Variants in CASK observed in about 807,000 individuals in gnomAD.
CASK encodes calcium/calmodulin dependent serine protein kinase.
A neutral mutation model predicts 82.9 loss-of-function variants in CASK; 4 were observed. That is an observed-to-expected ratio of 0.05 (90% CI 0.02 to 0.11). The LOEUF is 0.11. Among genes scored for constraint, CASK ranks in the 10% least tolerant of loss-of-function variants. The pLI is 1.00. For synonymous variants in CASK, 259 were observed against 253.5 expected, an observed-to-expected ratio of 1.02 and a Z score of -0.20; for missense variants, 358 against 720.9, an observed-to-expected ratio of 0.50 and a Z score of 5.76.
chrX:41,872,432 C>T (rs1257770324), intron 1 of CASK, among the ~76,000 whole-genome samples: 2 of 111,817 alleles, frequency 1.8e-5, no homozygotes. Context: ...TCATGGCATA[C>T]CCCTACCTAT....
intron 2 of CASK, among the ~76,000 whole-genome samples, chrX:41,835,302 C>T (rs1192546168): frequency 8.9e-6 from 1 of 111,943 alleles, no homozygotes; most frequent in Non-Finnish European, 1.9e-5. Flanking sequence ...GATCCACTCA[C>T]CTTGGCCTCC....
intron 2 of CASK, among the ~76,000 whole-genome samples, chrX:41,800,699 G>T (rs1488978254): frequency 9.5e-6 from 1 of 105,321 alleles, no homozygotes; most frequent in African/African-American, 3.5e-5. Flanking sequence ...TCCCCTTCCT[G>T]TGTCCATGTG....
chrX:41,702,857 T>G (rs532280294), intron 5 of CASK, among the ~76,000 whole-genome samples: 1 of 112,013 alleles, frequency 8.9e-6, no homozygotes, highest in East Asian at 2.8e-4. Flanking sequence ...CATCACACAT[T>G]TATATACTCT....
At chrX:41,696,373 G>T (rs1602483815) in intron 5 of CASK, 10 of 1,176,894 alleles carry the variant, frequency 8.5e-6, no homozygotes, top group Non-Finnish European at 1.1e-5. Context: ...AATCTATTGA[G>T]GATTTCTAAA....
intron 8 of CASK, among the ~76,000 whole-genome samples, chrX:41,644,081 G>T (rs2066710679): frequency 1.8e-5 from 2 of 111,975 alleles, no homozygotes; most frequent in African/African-American, 6.5e-5. Flanking sequence ...TATGTTTATT[G>T]ATTTGCATAT....
intron 1 of CASK, among the ~76,000 whole-genome samples, chrX:41,904,325 T>C (rs1380212574): frequency 8.9e-6 from 1 of 112,001 alleles, no homozygotes; most frequent in East Asian, 2.8e-4. Flanking sequence ...TAAGTGAATC[T>C]AGCAAAGTTG....
intron 2 of CASK, among the ~76,000 whole-genome samples, chrX:41,799,465 G>A (rs1015736116): frequency 2.7e-5 from 3 of 110,388 alleles, no homozygotes; most frequent in African/African-American, 9.9e-5. Flanking sequence ...GCTTGAACCC[G>A]GGAGGCAGTG....
At chrX:41,612,044 C>T (rs1419259616) in intron 11 of CASK, among the ~76,000 whole-genome samples, 1 of 110,848 alleles carries the variant, frequency 9.0e-6, no homozygotes. Flanking sequence ...GATCTCGGCT[C>T]GCTACAACCT....
intron 9 of CASK, among the ~76,000 whole-genome samples, chrX:41,628,970 A>T (rs1172452347): frequency 8.9e-6 from 1 of 111,777 alleles, no homozygotes; most frequent in African/African-American, 3.2e-5. Context: ...TTAAGATGTT[A>T]GTTATACGCT....
intron 5 of CASK, among the ~76,000 whole-genome samples, chrX:41,711,339 G>T (rs771956931): frequency 8.9e-6 from 1 of 112,482 alleles, no homozygotes; most frequent in South Asian, 3.7e-4. Context: ...TGTGTTAATT[G>T]TTGTTGAAAG....
intron 25 of CASK, chrX:41,524,848 C>T (rs906050793): frequency 2.7e-5 from 3 of 111,320 alleles, no homozygotes; most frequent in African/African-American, 9.8e-5. Context: ...AGGTTACAAA[C>T]TCCCTTCCAA....
chrX:41,612,703 G>C (rs1460970667), intron 11 of CASK, among the ~76,000 whole-genome samples: 1 of 92,358 alleles, frequency 1.1e-5, no homozygotes, highest in African/African-American at 4.1e-5. Flanking sequence ...GGAGGGAGGT[G>C]GGGGGGTCAG....
rs764389214 is a variant in CASK, at chrX:41,648,506, C to T, written c.832-11845G>A. Reference sequence around the variant, plus strand: ...ATACTCCCTCCCCTTTTGAAAATCCCTAATAAAAACTTGCTAGTTTTTGTG... The same window carrying T: ...ATACTCCCTCCCCTTTTGAAAATCCTTAATAAAAACTTGCTAGTTTTTGTG... On this transcript the variant is annotated intron_variant, in intron 8 of 26. Transcript: ENST00000378163. Among the ~76,000 whole-genome samples, 186 of 111,195 alleles carry T rather than the reference C, an allele frequency of 1.7e-3. 1 individual carries two copies. Among genetic ancestry groups the T allele is most frequent in the Non-Finnish European group, 8.7e-4 (46 of 53,033 alleles).
intron 3 of CASK, among the ~76,000 whole-genome samples, chrX:41,781,711 G>A (rs976853008): frequency 1.8e-5 from 2 of 111,671 alleles, no homozygotes; most frequent in Non-Finnish European, 3.8e-5. Flanking sequence ...ATACACAAGT[G>A]CATTGGCTTT....
chrX:41,694,416 C>T (rs938212222), intron 5 of CASK, among the ~76,000 whole-genome samples: 18 of 111,975 alleles, frequency 1.6e-4, no homozygotes, highest in African/African-American at 5.2e-4. Flanking sequence ...GCTTTCTTTA[C>T]TTGTTATGAC....
chrX:41,603,985 G>A (rs1271837963), intron 12 of CASK, among the ~76,000 whole-genome samples: 1 of 110,901 alleles, frequency 9.0e-6, no homozygotes, highest in Non-Finnish European at 1.9e-5. Flanking sequence ...TGGCTTTTCA[G>A]TCCATCAAAA....
intron 24 of CASK, among the ~76,000 whole-genome samples, chrX:41,532,354 T>C (rs1489358345): frequency 1.8e-5 from 2 of 112,377 alleles, no homozygotes; most frequent in Non-Finnish European, 3.8e-5. Flanking sequence ...TGTGATAGAC[T>C]GTATGGCCTT....
At chrX:41,765,901 T>G (rs1457925255) in intron 3 of CASK, among the ~76,000 whole-genome samples, 1 of 111,221 alleles carries the variant, frequency 9.0e-6, no homozygotes, top group Non-Finnish European at 1.9e-5. Context: ...AAAGACAATT[T>G]TAAAAATTAA....
At chrX:41,801,701 T>C (rs190895199) in intron 2 of CASK, among the ~76,000 whole-genome samples, 132 of 111,645 alleles carry the variant, frequency 1.2e-3, no homozygotes, top group African/African-American at 4.0e-3. Context: ...TTTATAGGTA[T>C]GCAGTATGAC....
Sources: gnomAD v4.1 joint callset for allele counts (sites outside exome capture counted in the v4.1 genomes callset) on GRCh38, gnomAD v4.1.1 for gene constraint, MANE v1.5 for transcripts, NCBI Gene and HGNC (gene_info 2026-07-23, HGNC 2026-07-21) for gene names.